The following SERPINH1 variants were observed in gnomAD, a reference collection of about 807,000 sequenced individuals.
SERPINH1 encodes the protein serpin H1.
In SERPINH1, 22 loss-of-function variants were observed where a neutral mutation model predicts 32.3. The observed-to-expected ratio is 0.68, with a 90% CI of 0.49 to 0.97. The LOEUF is 0.97. Ranked by LOEUF, SERPINH1 falls within the 50% of genes least tolerant of loss-of-function variation. The pLI is 0.00. For missense variants in SERPINH1, 543 were observed against 576.4 expected, an observed-to-expected ratio of 0.94 and a Z score of 0.59; for synonymous variants, 251 against 245.9, an observed-to-expected ratio of 1.02 and a Z score of -0.19.
In SERPINH1 at chr11:75,566,392, G is replaced by A. The variant is rs1942072871; in HGVS notation, c.43G>A (p.Ala15Thr). The part of the protein sequence containing the change: ...LLLSAFCLLE[A>T]ALAAEVKKPA... ...TCTCAGCGCCTTCTGCCTCCTGGAG[G>A]CGGCCCTGGCCGCCGAGGTGAAGAA... The change falls in exon 2 of 5, where the codon GCG becomes ACG. Residue 15 changes from alanine (A) to threonine (T), a missense_variant. Physicochemically the swap from Ala to Thr is moderately conservative, Grantham distance 58 (BLOSUM62 0). Coordinates refer to ENST00000358171, the MANE Select transcript of SERPINH1 (RefSeq NM_001235.5). 6.2e-7 allele frequency: 1 copy of A among 1,610,498 alleles called. No homozygotes were observed. The highest frequency in any genetic ancestry group is 1.3e-5 in the African/African-American group (1 of 74,934).
rs1942095661 is a variant in SERPINH1 at position 75,566,865 on chromosome 11, C to T, written c.516C>T (p.Ser172=). 3 of 1,611,418 alleles carry T rather than the reference C, an allele frequency of 1.9e-6. No individual in the cohort carries two copies. The highest frequency in any genetic ancestry group is 2.5e-6 in the Non-Finnish European group (3 of 1,179,972). ...GCGACAAGCGCAGCGCGCTGCAGTC[C>T]ATCAACGAGTGGGCCGCGCAGACCA... ...NFRDKRSALQ[S]INEWAAQTTD... The change falls in exon 2 of 5, where the codon TCC becomes TCT. Residue 172 remains serine (S), a synonymous_variant. Transcript: ENST00000358171.
In SERPINH1 at chr11:75,568,755, A is replaced by C. The variant is rs1300712632; in HGVS notation, c.647A>C (p.His216Pro). The C allele has an allele frequency of 6.2e-7, 1 of 1,613,390 alleles. No homozygotes were observed. Among genetic ancestry groups the C allele is most frequent in the Non-Finnish European group, 8.5e-7 (1 of 1,179,954 alleles). The change falls in exon 3 of 5, where the codon CAC becomes CCC. Residue 216 changes from histidine to proline, a missense_variant. Around this residue, in one of 3 missense-constraint regions of SERPINH1, gnomAD observed 427 missense variants for 446.4 expected, o/e 0.96. Transcript: ENST00000358171. ...FKPHWDEKFH[H>P]KMVDNRGFMV... is the part of the protein sequence containing the mutation. Reference sequence around the variant, plus strand: ...GCACACTGGGATGAGAAATTCCACCACAAGATGGTGGACAACCGTGGCTTC... The same window carrying C: ...GCACACTGGGATGAGAAATTCCACCCCAAGATGGTGGACAACCGTGGCTTC...
At chr11:75,570,071 A>G (rs1261661018) in intron 4 of SERPINH1, among the ~76,000 whole-genome samples, 1 of 152,092 alleles carries the variant, frequency 6.6e-6, no homozygotes, top group Non-Finnish European at 1.5e-5. Context: ...AGAGAGAAGC[A>G]ATGACTCCCT....
At chr11:75,566,277 T>C in intron 1 of SERPINH1, 39 bp from the exon 2 acceptor site, 2 of 1,549,208 alleles carry the variant, frequency 1.3e-6, no homozygotes, top group Non-Finnish European at 1.7e-6. Flanking sequence ...GAGGAAGGCC[T>C]TGGGCTTCAA....
rs1592206375 is a variant in SERPINH1, at chr11:75,572,402, A to G, written c.*319A>G. 4.8e-6 allele frequency: 2 copies of G among 414,134 alleles called. No homozygotes were observed. The highest frequency in any genetic ancestry group is 4.3e-5 in the South Asian group (2 of 46,410). 25.7% of individuals were successfully genotyped at this position (414,134 alleles called of 1,614,324 possible). Reference sequence around the variant, plus strand: ...TCAGTATTCATATTTATAGCCAGGTACCTTCTCACCTGTGAGACCAAATTG... The same window carrying G: ...TCAGTATTCATATTTATAGCCAGGTGCCTTCTCACCTGTGAGACCAAATTG... On this transcript the variant is annotated 3_prime_UTR_variant, in exon 5 of 5. Coordinates refer to ENST00000358171, the MANE Select transcript of SERPINH1 (RefSeq NM_001235.5).
In SERPINH1 at chr11:75,568,750, C is replaced by A; in HGVS notation, c.642C>A (p.Phe214Leu). 6.2e-7 allele frequency: 1 copy of A among 1,613,196 alleles called. No homozygotes were observed. Among genetic ancestry groups the A allele is most frequent in the Admixed American group, 1.7e-5 (1 of 60,014 alleles). ...CTACAGCACACTGGGATGAGAAATTCCACCACAAGATGGTGGACAACCGTG... is the reference window on the plus strand; with the variant it reads ...CTACAGCACACTGGGATGAGAAATTACACCACAAGATGGTGGACAACCGTG... Reference protein sequence around the residue: ...MFFKPHWDEKFHHKMVDNRGF... With the variant: ...MFFKPHWDEKLHHKMVDNRGF... Residue 214 changes from phenylalanine to leucine, a missense_variant, in exon 3 of 5, where the codon TTC becomes TTA. Transcript: ENST00000358171.
Position 75,569,075 on chromosome 11 carries a change from C to A in SERPINH1, c.858C>A (p.Thr286=). ...TCGAGCGCCTTGAAAAGCTGCTAAC[C>A]AAAGAGCAGCTGAAGATCTGGATGG... The part of the protein sequence containing the change: ...EPLERLEKLL[T]KEQLKIWMGK... The change falls in exon 4 of 5, where the codon ACC becomes ACA. Residue 286 remains threonine (T), a synonymous_variant. Coordinates refer to ENST00000358171, the MANE Select transcript of SERPINH1 (RefSeq NM_001235.5). 1.2e-6 allele frequency: 2 copies of A among 1,614,210 alleles called. No homozygotes were observed. Among genetic ancestry groups the A allele is most frequent in the African/African-American group, 2.7e-5 (2 of 75,062 alleles).
rs771963597 is a variant in SERPINH1, at chr11:75,566,825, C to G, written c.476C>G (p.Ser159Cys). ...SSKQHYNCEHSKINFRDKRSA... is the reference protein window; with the variant it reads ...SSKQHYNCEHCKINFRDKRSA... ...AAGCAGCACTACAACTGCGAGCACT[C>G]CAAGATCAACTTCCGCGACAAGCGC... Residue 159 changes from serine to cysteine, a missense_variant, in exon 2 of 5, where the codon TCC (serine) becomes TGC (cysteine). Transcript: ENST00000358171. 1.2e-6 allele frequency: 2 copies of G among 1,612,920 alleles called. No homozygotes were observed. Among genetic ancestry groups the G allele is most frequent in the Non-Finnish European group, 1.7e-6 (2 of 1,179,996 alleles).
rs768024089 is a variant in SERPINH1, at chr11:75,568,768, C to T, written c.660C>T (p.Asp220=). 1.1e-5 allele frequency: 17 copies of T among 1,613,680 alleles called. 1 individual carries two copies. The South Asian group carries it at 1.5e-4, about 15-fold the overall frequency. The change falls in exon 3 of 5, where the codon GAC becomes GAT. Residue 220 remains aspartate (D), a synonymous_variant. Coordinates refer to ENST00000358171, the MANE Select transcript of SERPINH1 (RefSeq NM_001235.5). Reference sequence around the variant, plus strand: ...AGAAATTCCACCACAAGATGGTGGACAACCGTGGCTTCATGGTGACTCGGT... The same window carrying T: ...AGAAATTCCACCACAAGATGGTGGATAACCGTGGCTTCATGGTGACTCGGT... ...WDEKFHHKMV[D]NRGFMVTRSY...
At chr11:75,567,105 C>A in intron 2 of SERPINH1, 134 bp downstream of exon 2, 2 of 1,012,860 alleles carry the variant, frequency 2.0e-6, no homozygotes, top group Non-Finnish European at 1.4e-6. Flanking sequence ...GCAGGACTGT[C>A]ACTCAGCTTT....
intron 4 of SERPINH1, 140 bp downstream of exon 4, chr11:75,569,311 C>T (rs1206943987): frequency 4.6e-6 from 3 of 647,148 alleles, no homozygotes; most frequent in Admixed American, 2.7e-5. Flanking sequence ...ATGGGGGAAG[C>T]TGGGGCAGGA....
Position 75,566,874 on chromosome 11 carries a change from G to A in SERPINH1, c.525G>A (p.Glu175=), listed in dbSNP as rs1243892834. ...DKRSALQSIN[E]WAAQTTDGKL... ...GCAGCGCGCTGCAGTCCATCAACGA[G>A]TGGGCCGCGCAGACCACCGACGGCA... is the stretch of plus-strand genomic sequence containing the variant. Residue 175 remains glutamate, a synonymous_variant, in exon 2 of 5, where the codon GAG becomes GAA. Coordinates refer to ENST00000358171, the MANE Select transcript of SERPINH1 (RefSeq NM_001235.5). The A allele has an allele frequency of 1.2e-6, 2 of 1,610,616 alleles. No homozygotes were observed. Among genetic ancestry groups the A allele is most frequent in the Admixed American group, 3.3e-5 (2 of 60,026 alleles).
Position 75,572,106 on chromosome 11 carries a change from G to A in SERPINH1, c.*23G>A. On this transcript the variant is annotated 3_prime_UTR_variant, in exon 5 of 5. Coordinates refer to ENST00000358171, the MANE Select transcript of SERPINH1 (RefSeq NM_001235.5). ...TAGGGCCTCAGGGTGCACACAGGATGGCAGGAGGCATCCAAAGGCTCCTGA... is the reference window on the plus strand; with the variant it reads ...TAGGGCCTCAGGGTGCACACAGGATAGCAGGAGGCATCCAAAGGCTCCTGA... The A allele has an allele frequency of 6.2e-7, 1 of 1,612,538 alleles. No individual in the cohort carries two copies. The highest frequency in any genetic ancestry group is 8.5e-7 in the Non-Finnish European group (1 of 1,179,020).
chr11:75,571,476 G>A (rs1349237399), intron 4 of SERPINH1, among the ~76,000 whole-genome samples: 1 of 152,220 alleles, frequency 6.6e-6, no homozygotes, highest in Non-Finnish European at 1.5e-5. Flanking sequence ...ATAAGCTCCT[G>A]GGTGGTGCCC....
In SERPINH1 at chr11:75,572,045, G is replaced by C. The variant is rs138241050; in HGVS notation, c.1219G>C (p.Val407Leu). The C allele has an allele frequency of 2.1e-4, 335 of 1,614,138 alleles. No homozygotes were observed. The African/African-American group carries it at 4.2e-3, about 20-fold the overall frequency. The change falls in exon 5 of 5, where the codon GTC becomes CTC. Residue 407 changes from valine to leucine, a missense_variant. Val to Leu is a conservative substitution (Grantham distance 32). Transcript: ENST00000358171. The stretch of plus-strand genomic sequence containing the variant: ...CTCCCTGCTATTCATTGGGCGCCTG[G>C]TCCGGCCTAAGGGTGACAAGATGCG... ...SGSLLFIGRL[V>L]RPKGDKMRDE... is the part of the protein sequence containing the mutation.
chr11:75,564,912 G>T (rs1389016121), intron 1 of SERPINH1, among the ~76,000 whole-genome samples: 1 of 152,240 alleles, frequency 6.6e-6, no homozygotes, highest in Non-Finnish European at 1.5e-5. Flanking sequence ...GGCAGCCAGA[G>T]TCCTGAGGGT....
rs1288201878 is a variant in SERPINH1, at chr11:75,566,619, G to A, written c.270G>A (p.Ala90=). Residue 90 remains alanine (A), a synonymous_variant, in exon 2 of 5, where the codon GCG becomes GCA. Coordinates refer to ENST00000358171, the MANE Select transcript of SERPINH1 (RefSeq NM_001235.5). ...LVSLGGKATT[A]SQAKAVLSAE... ...CGCTGGGCGGCAAGGCGACCACGGC[G>A]TCGCAGGCCAAGGCAGTGCTGAGCG... 2 of 1,607,542 alleles carry A rather than the reference G, an allele frequency of 1.2e-6. No homozygotes were observed. The highest frequency in any genetic ancestry group is 2.2e-5 in the East Asian group (1 of 44,794).
At chr11:75,571,701 G>C (rs1362610562) in intron 4 of SERPINH1, 80 bp from the exon 5 acceptor site, 3 of 1,343,868 alleles carry the variant, frequency 2.2e-6, no homozygotes, top group Non-Finnish European at 3.2e-6. Flanking sequence ...GAGCGGTCAG[G>C]GTAGTATGGG....
Position 75,566,703 on chromosome 11 carries a change from C to T in SERPINH1, c.354C>T (p.Leu118=), listed in dbSNP as rs886695269. 2 of 1,611,284 alleles carry T rather than the reference C, an allele frequency of 1.2e-6. No homozygotes were observed. Among genetic ancestry groups the T allele is most frequent in the African/African-American group, 2.7e-5 (2 of 74,906 alleles). ...HAGLGELLRS[L]SNSTARNVTW... ...GCCTGGGCGAGCTGCTGCGCTCACT[C>T]AGCAACTCCACGGCGCGCAACGTGA... Residue 118 remains leucine (L), a synonymous_variant, in exon 2 of 5, where the codon CTC becomes CTT. Coordinates refer to ENST00000358171, the MANE Select transcript of SERPINH1 (RefSeq NM_001235.5).
Sources: allele counts gnomAD v4.1 joint callset (sites outside exome capture counted in the v4.1 genomes callset), GRCh38; gene constraint gnomAD v4.1.1; regional missense constraint gnomAD v4.1.1; transcripts MANE v1.5; gene names NCBI Gene and HGNC (gene_info 2026-07-23, HGNC 2026-07-21).